Variants in TFDP1 observed in about 807,000 individuals in gnomAD.
TFDP1 encodes the protein transcription factor Dp-1.
Under a neutral mutation model 48.0 loss-of-function variants are expected in TFDP1, and 6 were observed. The ratio of observed to expected loss-of-function variants is 0.13; its 90% CI spans 0.07 to 0.25. The LOEUF is 0.25. Among genes scored for constraint, TFDP1 ranks in the 10% least tolerant of loss-of-function variants. The probability of loss-of-function intolerance (pLI) is 1.00; values close to 1 mark genes in which losing one functional copy is unlikely to be tolerated. For missense variants in TFDP1, 335 were observed against 543.0 expected (o/e 0.62, Z 3.81); for synonymous variants, 201 against 211.6 (o/e 0.95, Z 0.44).
In TFDP1 at chr13:113,640,424, C is replaced by G; in HGVS notation, c.*157C>G. On this transcript the variant is annotated 3_prime_UTR_variant, in exon 12 of 12. Coordinates refer to ENST00000375370, the MANE Select transcript of TFDP1 (RefSeq NM_007111.5). ...CACCTCTGATAAGCAAGGATTGTTT[C>G]CCGTAGGATTAGGACGTGCTGTGGA... 5 of 1,276,812 alleles carry G rather than the reference C, an allele frequency of 3.9e-6. No individual in the cohort carries two copies. Among genetic ancestry groups the G allele is most frequent in the Non-Finnish European group, 5.3e-6 (5 of 949,560 alleles). The allele number at this position is 1,276,812 out of a possible 1,614,324, so 79.1% of individuals were successfully genotyped here.
Position 113,593,778 on chromosome 13 carries a change from G to C in TFDP1, c.12+7929G>C, listed in dbSNP as rs536974445. On this transcript the variant is annotated intron_variant, in intron 2 of 11. Transcript: ENST00000375370. ...GGTCCTCAGCCGTGCCCAGGTGACA[G>C]GTGTGCTGTGCACGCGTCCTCAGCT... 2.7e-5 allele frequency among the ~76,000 whole-genome samples: 4 copies of C among 145,574 alleles called. No individual in the cohort carries two copies. In the South Asian group the frequency reaches 8.9e-4, roughly 32 times the overall value.
At chr13:113,593,986 T>A (rs1392941604) in intron 2 of TFDP1, among the ~76,000 whole-genome samples, 1 of 133,976 alleles carries the variant, frequency 7.5e-6, no homozygotes, top group African/African-American at 2.9e-5. Context: ...AGTTGTGCTG[T>A]GTGTGGGTCC....
intron 2 of TFDP1, among the ~76,000 whole-genome samples, chr13:113,605,251 G>C (rs1399558609): frequency 3.3e-5 from 5 of 152,106 alleles, no homozygotes; most frequent in African/African-American, 7.2e-5. Flanking sequence ...TGTTGAGTGG[G>C]ATCTCGTTTT....
intron 4 of TFDP1, among the ~76,000 whole-genome samples, chr13:113,631,271 G>A (rs371791558): frequency 9.2e-5 from 14 of 152,166 alleles, no homozygotes; most frequent in Non-Finnish European, 1.3e-4. Flanking sequence ...ATTCTGTGCC[G>A]CCCCCTTCAT....
At chr13:113,612,855 C>G (rs375356494) in intron 3 of TFDP1, among the ~76,000 whole-genome samples, 6 of 152,214 alleles carry the variant, frequency 3.9e-5, no homozygotes, top group Admixed American at 6.5e-5. Context: ...GCCGGCCCAG[C>G]AGGGCCGTGC....
At chr13:113,604,209 G>A (rs2048508876) in intron 2 of TFDP1, among the ~76,000 whole-genome samples, 2 of 151,402 alleles carry the variant, frequency 1.3e-5, no homozygotes, top group African/African-American at 2.4e-5. Flanking sequence ...TTTTGGTGGT[G>A]CTTGTTACTG....
intron 4 of TFDP1, among the ~76,000 whole-genome samples, chr13:113,625,715 C>G (rs1594508585): frequency 1.7e-5 from 1 of 57,574 alleles, no homozygotes; most frequent in African/African-American, 9.5e-5. Context: ...GCGTCTCTCA[C>G]ATGTCTTCAG....
At chr13:113,625,934 GT>G (rs199919396) in intron 4 of TFDP1, among the ~76,000 whole-genome samples, 1,043 of 110,618 alleles carry the variant, frequency 9.4e-3, no homozygotes, top group Non-Finnish European at 0.015. Context: ...GTCCTCAGGT[GT>G]TTCTCAGGCG....
At chr13:113,609,403 C>T (rs1197390756) in intron 2 of TFDP1, among the ~76,000 whole-genome samples, 2 of 152,202 alleles carry the variant, frequency 1.3e-5, no homozygotes, top group Admixed American at 6.5e-5. Context: ...TCAGAAAGTG[C>T]AGTTGGACCC....
Position 113,637,662 on chromosome 13 carries a change from C to T in TFDP1, c.1007-156C>T, listed in dbSNP as rs777112230. On this transcript the variant is annotated intron_variant, in intron 10 of 11. Transcript: ENST00000375370. ...GACTGCACAGCGGGATGTCCTGCTC[C>T]GTGGCGCAGTGTGGAAAATACTGGA... is the stretch of plus-strand genomic sequence containing the variant. 435 of 1,541,876 alleles carry T rather than the reference C, an allele frequency of 2.8e-4. 1 individual carries two copies. The highest frequency in any genetic ancestry group is 9.0e-4 in the African/African-American group (66 of 73,246).
chr13:113,616,458 G>C (rs1046092124), intron 3 of TFDP1, among the ~76,000 whole-genome samples: 1 of 152,208 alleles, frequency 6.6e-6, no homozygotes, highest in Non-Finnish European at 1.5e-5. Flanking sequence ...ATGGCTGTGT[G>C]CAGTGCAGGC....
intron 9 of TFDP1, 104 bp from the exon 10 acceptor site, chr13:113,636,430 A>T: frequency 7.7e-7 from 1 of 1,293,574 alleles, no homozygotes; most frequent in East Asian, 2.3e-5. Flanking sequence ...GGGAACCGGG[A>T]AGCTGTGTGT....
chr13:113,601,764 G>C (rs1339497237), intron 2 of TFDP1, among the ~76,000 whole-genome samples: 1 of 152,256 alleles, frequency 6.6e-6, no homozygotes, highest in Admixed American at 6.5e-5. Context: ...AGCCAAAAGG[G>C]AGGAGCAGAG....
At chr13:113,630,386 G>C (rs1396755803) in intron 4 of TFDP1, among the ~76,000 whole-genome samples, 1 of 152,080 alleles carries the variant, frequency 6.6e-6, no homozygotes, top group Non-Finnish European at 1.5e-5. Context: ...TTCTTCTCCG[G>C]AGCTGACAGG....
At chr13:113,622,823 T>C (rs1242716550) in intron 3 of TFDP1, among the ~76,000 whole-genome samples, 1 of 152,240 alleles carries the variant, frequency 6.6e-6, no homozygotes, top group Non-Finnish European at 1.5e-5. Flanking sequence ...AATGTTGCGA[T>C]AAAAATTCTA....
chr13:113,587,248 A>C (rs2048028265), intron 2 of TFDP1, among the ~76,000 whole-genome samples: 1 of 152,112 alleles, frequency 6.6e-6, no homozygotes, highest in African/African-American at 2.4e-5. Context: ...TGCTCCATCC[A>C]GTGTGGGCAC....
At chr13:113,587,029 C>T (rs772480923) in intron 2 of TFDP1, among the ~76,000 whole-genome samples, 1 of 152,204 alleles carries the variant, frequency 6.6e-6, no homozygotes, top group South Asian at 2.1e-4. Flanking sequence ...CCCAGGGCCT[C>T]GGTTAGAGCA....
intron 3 of TFDP1, among the ~76,000 whole-genome samples, chr13:113,618,523 AAAC>A (rs1351630130): frequency 2.0e-5 from 3 of 152,296 alleles, no homozygotes; most frequent in Admixed American, 6.5e-5. Context: ...CCTGTCTCAA[AAAC>A]AACAACTACT....
chr13:113,593,725 T>C (rs2048209428), intron 2 of TFDP1, among the ~76,000 whole-genome samples: 2 of 141,014 alleles, frequency 1.4e-5, no homozygotes, highest in Non-Finnish European at 3.1e-5. Context: ...TCCTCAGCCC[T>C]GCCCAGGTGA....
Sources: gnomAD v4.1 joint callset for allele counts (sites outside exome capture counted in the v4.1 genomes callset) on GRCh38, gnomAD v4.1.1 for gene constraint, MANE v1.5 for transcripts, NCBI Gene and HGNC (gene_info 2026-07-23, HGNC 2026-07-21) for gene names.